RBPJ: variants seen among roughly 807,000 people sequenced by gnomAD.
RBPJ encodes the protein recombination signal binding protein for immunoglobulin kappa J region.
A neutral mutation model predicts 67.8 loss-of-function variants in RBPJ; 9 were observed. The observed-to-expected ratio is 0.13, with a 90% CI of 0.08 to 0.23. The LOEUF is 0.23. Ranked by LOEUF, RBPJ falls within the 10% of genes least tolerant of loss-of-function variation. The pLI is 1.00. For synonymous variants in RBPJ, 198 were observed against 203.3 expected (o/e 0.97, Z 0.22); for missense variants, 305 against 595.6 (o/e 0.51, Z 5.08).
intron 2 of RBPJ, among the ~76,000 whole-genome samples, chr4:26,390,311 A>T (rs754306464): frequency 6.6e-6 from 1 of 152,210 alleles, no homozygotes; most frequent in Non-Finnish European, 1.5e-5. Context: ...GATTGGTGAA[A>T]CACTGGATGT....
intron 1 of RBPJ, among the ~76,000 whole-genome samples, chr4:26,302,974 G>A (rs568064411): frequency 4.1e-4 from 63 of 151,868 alleles, no homozygotes; most frequent in South Asian, 2.5e-3. Context: ...TGAGGCCAGG[G>A]GTTTGAGACC....
intron 2 of RBPJ, among the ~76,000 whole-genome samples, chr4:26,400,275 G>A (rs1732635571): frequency 6.6e-6 from 1 of 151,936 alleles, no homozygotes; most frequent in African/African-American, 2.4e-5. Flanking sequence ...CTTGACATTT[G>A]GCACCATCTG....
intron 1 of RBPJ, among the ~76,000 whole-genome samples, chr4:26,295,275 T>G (rs1226341189): frequency 6.6e-6 from 1 of 151,248 alleles, no homozygotes; most frequent in Admixed American, 6.6e-5. Flanking sequence ...TGTGTGGGTG[T>G]GTGTGTGTGC....
At chr4:26,191,239 A>G (rs1475956626) in intron 1 of RBPJ, among the ~76,000 whole-genome samples, 173 of 103,392 alleles carry the variant, frequency 1.7e-3, no homozygotes, top group African/African-American at 6.3e-3. Context: ...AGAGAGAGAG[A>G]GATAGAGAGA....
intron 1 of RBPJ, among the ~76,000 whole-genome samples, chr4:26,369,873 C>G (rs567281008): frequency 2.3e-4 from 35 of 152,328 alleles, no homozygotes; most frequent in South Asian, 2.1e-4. Flanking sequence ...CTACCAGCCC[C>G]TTTCTCTCTC....
intron 1 of RBPJ, among the ~76,000 whole-genome samples, chr4:26,327,888 A>T (rs1723803653): frequency 6.6e-6 from 1 of 152,086 alleles, no homozygotes; most frequent in Non-Finnish European, 1.5e-5. Flanking sequence ...TATAAGTATG[A>T]TATTGTGTTA....
At chr4:26,142,973 G>C in the RBPJ span, among the ~76,000 whole-genome samples, 126,208 of 152,118 alleles carry the variant, frequency 0.83, 54,086 homozygotes, top group East Asian at 0.99. Context: ...GTAGAGATGG[G>C]GTTTCATCAT....
Position 26,207,329 on chromosome 4 carries a change from T to TTGTG in RBPJ, c.-167+43727_-167+43730dup, listed in dbSNP as rs1250775793. ...GAGATGTCAAGTTGGACAGTGTCTT[T>TTGTG]TGTGTGTGTGTGTGTTTCTAAAAAA... On this transcript the variant is annotated intron_variant, in intron 1 of 4. Transcript: ENST00000512351. Among the ~76,000 whole-genome samples, 36 of 141,294 alleles carry TTGTG rather than the reference T, an allele frequency of 2.5e-4. No individual in the cohort carries two copies. The East Asian group carries it at 6.3e-3, about 25-fold the overall frequency. 92.7% of individuals were successfully genotyped at this position (141,294 alleles called of 152,430 possible).
chr4:26,109,798 G>A, the RBPJ span, among the ~76,000 whole-genome samples: 2 of 147,954 alleles, frequency 1.4e-5, no homozygotes, highest in East Asian at 4.0e-4. Context: ...TAAAGTTGAA[G>A]CAACAATAAA....
At chr4:26,314,648 T>G (rs561894256), upstream of RBPJ, among the ~76,000 whole-genome samples, 1 of 152,284 alleles carries the variant, frequency 6.6e-6, no homozygotes. Flanking sequence ...TGCTCCTGCT[T>G]TGCTGTCTGC....
At chr4:26,369,003 C>G (rs1728895485) in intron 1 of RBPJ, among the ~76,000 whole-genome samples, 1 of 152,160 alleles carries the variant, frequency 6.6e-6, no homozygotes, top group Non-Finnish European at 1.5e-5. Flanking sequence ...TTCCCCTACC[C>G]TCATTAGCAG....
chr4:26,428,248 T>C (rs191264845), intron 7 of RBPJ, among the ~76,000 whole-genome samples: 5 of 152,350 alleles, frequency 3.3e-5, no homozygotes, highest in African/African-American at 1.2e-4. Context: ...TATTTGTCAT[T>C]TTATGCATAT....
intron 4 of RBPJ, among the ~76,000 whole-genome samples, chr4:26,416,211 A>G (rs920877712): frequency 6.6e-6 from 1 of 152,136 alleles, no homozygotes; most frequent in Non-Finnish European, 1.5e-5. Flanking sequence ...TCTATCAGCT[A>G]GTTTTACTGA....
the RBPJ span, among the ~76,000 whole-genome samples, chr4:26,128,870 C>T: frequency 6.6e-6 from 1 of 152,144 alleles, no homozygotes; most frequent in Non-Finnish European, 1.5e-5. Context: ...AAGAGGTTCT[C>T]CCTTTTGCTT....
rs56940118 is a variant in RBPJ at position 26,210,744 on chromosome 4, C to CTTTCTTTCTTTCT, written c.-167+47132_-167+47133insTCTTTCTTTCTTT. Among the ~76,000 whole-genome samples, 41 of 47,902 alleles carry CTTTCTTTCTTTCT rather than the reference C, an allele frequency of 8.6e-4. 1 individual carries two copies. Among genetic ancestry groups the CTTTCTTTCTTTCT allele is most frequent in the Admixed American group, 1.4e-3 (5 of 3,556 alleles). The allele number at this position is 47,902 out of a possible 152,430, so 31.4% of individuals were successfully genotyped here. On this transcript the variant is annotated intron_variant, in intron 1 of 4. Coordinates refer to the RBPJ transcript ENST00000512351. ...CTTTCTTTCCTTCTTTACTTCTTTC[C>CTTTCTTTCTTTCT]TTCTTTCCTTCTTTCTTTCTTTCTT... is the stretch of plus-strand genomic sequence containing the variant.
chr4:26,158,197 CCT>C, the RBPJ span, among the ~76,000 whole-genome samples: 1 of 152,134 alleles, frequency 6.6e-6, no homozygotes, highest in Non-Finnish European at 1.5e-5. Flanking sequence ...AGCCCTGCTA[CCT>C]TGGCCATAGT....
rs116784995 is a variant in RBPJ at position 26,172,485 on chromosome 4, G to A, written c.-167+8871G>A. ...CTCAGCCCTGAAAAGTCTCCTCCTGGGAATAACTGTCATTTCCTATCCACA... is the reference window on the plus strand; with the variant it reads ...CTCAGCCCTGAAAAGTCTCCTCCTGAGAATAACTGTCATTTCCTATCCACA... On this transcript the variant is annotated intron_variant, in intron 1 of 4. Transcript: ENST00000512351. Among the ~76,000 whole-genome samples, 737 of 152,166 alleles carry A rather than the reference G, an allele frequency of 4.8e-3. 8 individuals carry two copies. Among genetic ancestry groups the A allele is most frequent in the African/African-American group, 0.017 (718 of 41,496 alleles).
chr4:26,401,338 C>T (rs1043325050), intron 2 of RBPJ, among the ~76,000 whole-genome samples: 15 of 152,198 alleles, frequency 9.9e-5, no homozygotes, highest in Admixed American at 6.5e-5. Context: ...AGCTAGGCTA[C>T]GCAGATTTGA....
chr4:26,427,785 GTTTTC>G (rs1451631614), intron 7 of RBPJ, among the ~76,000 whole-genome samples: 21 of 152,244 alleles, frequency 1.4e-4, no homozygotes, highest in Non-Finnish European at 2.5e-4. Context: ...TGTAGTCAGT[GTTTTC>G]TTTACTTTTG....
Sources: allele counts gnomAD v4.1 joint callset (sites outside exome capture counted in the v4.1 genomes callset), GRCh38; gene constraint gnomAD v4.1.1; transcripts MANE v1.5; gene names NCBI Gene and HGNC (gene_info 2026-07-23, HGNC 2026-07-21).